Variants in NOVA1 observed in about 807,000 individuals in gnomAD.
The protein encoded by NOVA1 is NOVA alternative splicing regulator 1, also known as RNA-binding protein Nova-1.
In NOVA1, 7 loss-of-function variants were observed where a neutral mutation model predicts 38.0. That is an observed-to-expected ratio of 0.18 (90% CI 0.10 to 0.35). The LOEUF is 0.35. Among genes scored for constraint, NOVA1 ranks in the 10% least tolerant of loss-of-function variants. NOVA1 has a pLI of 1.00. For missense variants in NOVA1, 460 were observed against 616.0 expected (o/e 0.75, Z 2.68); for synonymous variants, 270 against 232.5 (o/e 1.16, Z -1.47).
chr14:26,548,360 CT>C (rs1265104097), intron 2 of NOVA1, among the ~76,000 whole-genome samples: 21 of 151,940 alleles, frequency 1.4e-4, no homozygotes, highest in Admixed American at 1.4e-3. Flanking sequence ...TCTGCTTTGA[CT>C]AAGAATATAT....
At chr14:26,568,962 C>G (rs1892304498) in intron 2 of NOVA1, among the ~76,000 whole-genome samples, 1 of 152,136 alleles carries the variant, frequency 6.6e-6, no homozygotes, top group South Asian at 2.1e-4. Context: ...TTAAAATAAT[C>G]TCAAGCCAAG....
chr14:26,554,193 AAGGGAGGG>A (rs550262377), intron 2 of NOVA1, among the ~76,000 whole-genome samples: 1 of 137,948 alleles, frequency 7.2e-6, no homozygotes, highest in East Asian at 2.5e-4. Flanking sequence ...AGAAGGAAGG[AAGGGAGGG>A]AGGGAGGGAG....
chr14:26,491,069 C>G (rs1886303933), intron 2 of NOVA1, among the ~76,000 whole-genome samples: 1 of 152,020 alleles, frequency 6.6e-6, no homozygotes, highest in African/African-American at 2.4e-5. Context: ...CCAGGATGGC[C>G]TCGATCTCCT....
chr14:26,527,512 T>TAA (rs764586575), intron 2 of NOVA1, among the ~76,000 whole-genome samples: 1 of 131,942 alleles, frequency 7.6e-6, no homozygotes, highest in African/African-American at 2.8e-5. Context: ...AACAAACAAA[T>TAA]AAAAAAAAAA....
intron 2 of NOVA1, among the ~76,000 whole-genome samples, chr14:26,488,098 A>C (rs1886059020): frequency 6.6e-6 from 1 of 152,162 alleles, no homozygotes; most frequent in Non-Finnish European, 1.5e-5. Context: ...GATGTAAAGT[A>C]ATAATTGGGT....
chr14:26,464,722 G>A (rs1883974056), intron 4 of NOVA1, among the ~76,000 whole-genome samples: 1 of 151,858 alleles, frequency 6.6e-6, no homozygotes, highest in Non-Finnish European at 1.5e-5. Context: ...TCAGAAACCA[G>A]AAAAATGGGA....
At chr14:26,575,553 A>T (rs1329709618) in intron 2 of NOVA1, among the ~76,000 whole-genome samples, 1 of 152,136 alleles carries the variant, frequency 6.6e-6, no homozygotes, top group East Asian at 1.9e-4. Flanking sequence ...AAAAGCATAC[A>T]CAAGTTCTTG....
At chr14:26,527,529 T>C (rs376378289) in intron 2 of NOVA1, among the ~76,000 whole-genome samples, 3 of 151,984 alleles carry the variant, frequency 2.0e-5, no homozygotes, top group Non-Finnish European at 2.9e-5. Context: ...AAAAAAACCT[T>C]AGTGATTCTC....
chr14:26,460,080 A>C (rs976286648), intron 4 of NOVA1, among the ~76,000 whole-genome samples: 1 of 151,914 alleles, frequency 6.6e-6, no homozygotes. Context: ...TACTTATTTT[A>C]AAAAATAAGT....
At chr14:26,546,287 C>A (rs1890783893) in intron 2 of NOVA1, among the ~76,000 whole-genome samples, 2 of 152,098 alleles carry the variant, frequency 1.3e-5, no homozygotes, top group Admixed American at 1.3e-4. Flanking sequence ...AATTGTCCAC[C>A]TAATCCTACA....
intron 4 of NOVA1, among the ~76,000 whole-genome samples, chr14:26,456,443 G>C (rs542273760): frequency 9.9e-5 from 15 of 151,782 alleles, no homozygotes; most frequent in Non-Finnish European, 1.9e-4. Context: ...AATTATTTAG[G>C]GGGAAGTAAA....
chr14:26,570,573 A>C (rs1892410834), intron 2 of NOVA1, among the ~76,000 whole-genome samples: 1 of 152,136 alleles, frequency 6.6e-6, no homozygotes, highest in South Asian at 2.1e-4. Context: ...ATGTGTATAC[A>C]TATGTGTATG....
intron 2 of NOVA1, among the ~76,000 whole-genome samples, chr14:26,554,360 AC>A (rs1200748736): frequency 6.6e-6 from 1 of 151,656 alleles, no homozygotes; most frequent in Non-Finnish European, 1.5e-5. Context: ...AGAAAAAAAA[AC>A]AAAACAAAAC....
intron 2 of NOVA1, among the ~76,000 whole-genome samples, chr14:26,553,853 G>A (rs1566531916): frequency 6.6e-6 from 1 of 152,060 alleles, no homozygotes; most frequent in South Asian, 2.1e-4. Context: ...CGTCCTCATA[G>A]AAGGAGGACT....
At chr14:26,480,182 C>G (rs548516963) in intron 2 of NOVA1, 39 bp from the exon 3 acceptor site, 1 of 1,543,034 alleles carries the variant, frequency 6.5e-7, no homozygotes, top group Admixed American at 2.0e-5. Context: ...ATATTCCACA[C>G]TTTGCATTAA....
At chr14:26,568,964 C>A (rs1315907392) in intron 2 of NOVA1, among the ~76,000 whole-genome samples, 1 of 152,158 alleles carries the variant, frequency 6.6e-6, no homozygotes, top group African/African-American at 2.4e-5. Flanking sequence ...AAAATAATCT[C>A]AAGCCAAGAA....
rs557824297 is a variant in NOVA1 at position 26,533,220 on chromosome 14, T to C, written c.281-53077A>G. Among the ~76,000 whole-genome samples the C allele has an allele frequency of 4.6e-5, 7 of 152,308 alleles. No homozygotes were observed. The South Asian group carries it at 1.4e-3, about 32-fold the overall frequency. ...ACCGTATCCAATCAGTAAACTAATC[T>C]TTGGTCTATTTCTTTAGCATTTGTT... On this transcript the variant is annotated intron_variant, in intron 2 of 4. Transcript: ENST00000539517.
intron 2 of NOVA1, among the ~76,000 whole-genome samples, chr14:26,484,540 CCT>C (rs1223495903): frequency 2.0e-5 from 3 of 151,776 alleles, no homozygotes; most frequent in African/African-American, 7.3e-5. Flanking sequence ...ACCTCATACC[CCT>C]CTTCTAGTTG....
chr14:26,595,383 A>G (rs1894124243), intron 2 of NOVA1, 27 bp downstream of exon 2: 1 of 1,603,822 alleles, frequency 6.2e-7, no homozygotes, highest in Non-Finnish European at 8.5e-7. Context: ...GGAGCTCATC[A>G]AACAATCTCT....
Sources: gnomAD v4.1 joint callset for allele counts (sites outside exome capture counted in the v4.1 genomes callset) on GRCh38, gnomAD v4.1.1 for gene constraint, MANE v1.5 for transcripts, NCBI Gene and HGNC (gene_info 2026-07-23, HGNC 2026-07-21) for gene names.